Variants in ANKRD22 observed in about 807,000 individuals in gnomAD.
The protein encoded by ANKRD22 is ankyrin repeat domain-containing protein 22.
A neutral mutation model predicts 25.7 loss-of-function variants in ANKRD22; 24 were observed. The ratio of observed to expected loss-of-function variants is 0.93; its 90% confidence interval spans 0.68 to 1.31. The LOEUF (loss-of-function observed/expected upper bound fraction) is 1.31, where lower values mean the gene tolerates loss of function less well. ANKRD22 is among the 50% of genes most tolerant of loss of function. ANKRD22 has a pLI of 0.00. For missense variants in ANKRD22, 214 were observed against 227.1 expected (o/e 0.94, Z 0.37); for synonymous variants, 84 against 84.3 (o/e 1.00, Z 0.02).
Position 88,839,455 on chromosome 10 carries a change from A to G in ANKRD22, c.22-7429T>C, listed in dbSNP as rs530417512. Among the ~76,000 whole-genome samples the G allele has an allele frequency of 3.9e-5, 6 of 152,160 alleles. No homozygotes were observed. The East Asian group carries it at 9.7e-4, about 25-fold the overall frequency. On this transcript the variant is annotated intron_variant, in intron 1 of 5. Transcript: ENST00000371930. ...TGGTCAGGTCAATTTCCTCACTTCT[A>G]TGTTTGGGCTACTGGCTTGCCATCC...
intron 1 of ANKRD22, among the ~76,000 whole-genome samples, chr10:88,841,486 G>C (rs1844003555): frequency 6.6e-6 from 1 of 152,182 alleles, no homozygotes; most frequent in South Asian, 2.1e-4. Flanking sequence ...AACGAACTCA[G>C]AGTTGAGCAA....
rs2133085799 is a variant in ANKRD22 at position 88,851,590 on chromosome 10, A to G, written c.18T>C (p.Ser6=). The part of the protein sequence containing the change: MGILY[S]EPICQAAYQN... ...TGCTTTCAGAAAGGTGATGTACCTC[A>G]GAGTATAGGATTCCCATGCTGGTCC... is the stretch of plus-strand genomic sequence containing the variant. The change falls in exon 1 of 6, where the codon TCT becomes TCC. Residue 6 remains serine, a synonymous_variant. Coordinates refer to ENST00000371930, the MANE Select transcript of ANKRD22 (RefSeq NM_144590.3). The G allele has an allele frequency of 6.2e-7, 1 of 1,613,426 alleles. No individual in the cohort carries two copies. Among genetic ancestry groups the G allele is most frequent in the Non-Finnish European group, 8.5e-7 (1 of 1,179,536 alleles).
At chr10:88,838,812 C>T (rs1477239248) in intron 1 of ANKRD22, among the ~76,000 whole-genome samples, 2 of 152,150 alleles carry the variant, frequency 1.3e-5, no homozygotes, top group Admixed American at 1.3e-4. Flanking sequence ...ACTGAATCAG[C>T]AGCCACCATA....
At chr10:88,826,309 C>A (rs1477869263) in intron 3 of ANKRD22, among the ~76,000 whole-genome samples, 194 bp from the exon 4 acceptor site, 1 of 152,178 alleles carries the variant, frequency 6.6e-6, no homozygotes, top group African/African-American at 2.4e-5. Context: ...AGACTGTGGT[C>A]CTGAAGTAGC....
At chr10:88,824,374 A>G (rs771186423) in intron 4 of ANKRD22, among the ~76,000 whole-genome samples, 1 of 152,224 alleles carries the variant, frequency 6.6e-6, no homozygotes, top group Non-Finnish European at 1.5e-5. Flanking sequence ...TTAGCTCTGG[A>G]TCCCATTCCC....
intron 1 of ANKRD22, among the ~76,000 whole-genome samples, chr10:88,834,353 G>A (rs961071069): frequency 1.3e-5 from 2 of 152,194 alleles, no homozygotes; most frequent in Admixed American, 6.5e-5. Flanking sequence ...TCACCAGGGG[G>A]AAAGCAGTTC....
chr10:88,826,654 T>C, intron 3 of ANKRD22, among the ~76,000 whole-genome samples: 1 of 152,204 alleles, frequency 6.6e-6, no homozygotes, highest in East Asian at 1.9e-4. Flanking sequence ...CCTCCCTCTC[T>C]TCTTTGCCTG....
chr10:88,847,223 G>C (rs1844057026), intron 1 of ANKRD22, among the ~76,000 whole-genome samples: 1 of 151,984 alleles, frequency 6.6e-6, no homozygotes, highest in African/African-American at 2.4e-5. Context: ...ATTTCTTTGA[G>C]TCATATATGG....
chr10:88,827,100 C>T (rs1843862623), intron 3 of ANKRD22, among the ~76,000 whole-genome samples: 2 of 152,196 alleles, frequency 1.3e-5, no homozygotes, highest in African/African-American at 4.8e-5. Context: ...CCCTGCTCAG[C>T]TGGGTATAGC....
chr10:88,827,716 A>G (rs563798051), intron 3 of ANKRD22, among the ~76,000 whole-genome samples: 4 of 152,334 alleles, frequency 2.6e-5, no homozygotes, highest in East Asian at 3.9e-4. Flanking sequence ...TAAATACCCA[A>G]TGAAATAATA....
intron 1 of ANKRD22, among the ~76,000 whole-genome samples, chr10:88,844,612 A>G (rs947658808): frequency 6.6e-6 from 1 of 152,124 alleles, no homozygotes; most frequent in Non-Finnish European, 1.5e-5. Flanking sequence ...TTTTAATTAA[A>G]GTAATTATTG....
chr10:88,832,333 A>G (rs1450388329), intron 1 of ANKRD22, among the ~76,000 whole-genome samples: 1 of 152,178 alleles, frequency 6.6e-6, no homozygotes, highest in East Asian at 1.9e-4. Flanking sequence ...TAGTGCTTAC[A>G]GGTAGGTGGG....
chr10:88,838,438 C>G (rs2133077771), intron 1 of ANKRD22, among the ~76,000 whole-genome samples: 1 of 152,186 alleles, frequency 6.6e-6, no homozygotes, highest in South Asian at 2.1e-4. Context: ...CAAATAGAAA[C>G]ACAGAGAAGG....
Position 88,828,628 on chromosome 10 carries a change from T to G in ANKRD22, c.252A>C (p.Lys84Asn), listed in dbSNP as rs557174052. ...RTCLHYAVKK[K>N]FTFIDYLLII... ...TTAGTAGATAATCAATGAAGGTAAA[T>G]TTTTTCTTCACAGCATAATGCAAGC... The change falls in exon 3 of 6, where the codon AAA (lysine) becomes AAC (asparagine). Residue 84 changes from lysine (K) to asparagine (N), a missense_variant. Lys to Asn is a moderately conservative substitution (Grantham distance 94). Coordinates refer to ENST00000371930, the MANE Select transcript of ANKRD22 (RefSeq NM_144590.3). The G allele has an allele frequency of 6.2e-7, 1 of 1,610,164 alleles. No individual in the cohort carries two copies.
chr10:88,825,930 A>T, intron 4 of ANKRD22, 108 bp downstream of exon 4: 1 of 936,244 alleles, frequency 1.1e-6, no homozygotes. Context: ...AAAGAAAACT[A>T]AATGTAAAAT....
chr10:88,831,853 A>C lies in ANKRD22; in HGVS notation c.195T>G (p.Asn65Lys). The change falls in exon 2 of 6, where the codon AAT becomes AAG. Residue 65 changes from asparagine (N) to lysine (K), a missense_variant. Asn to Lys is a moderately conservative substitution (Grantham distance 94). Coordinates refer to ENST00000371930, the MANE Select transcript of ANKRD22 (RefSeq NM_144590.3). ...ACCTCACCTGGTTTTTGAGGTTGAC[A>C]TTAGCATTTCTTCTTAAAAGGAAGG... ...IVSFLLRRNA[N>K]VNLKNQKERT... The C allele has an allele frequency of 6.2e-7, 1 of 1,610,044 alleles. No individual in the cohort carries two copies.
chr10:88,826,660 G>T lies in ANKRD22; in HGVS notation c.322-545C>A, dbSNP rs59661152. 0.016 allele frequency among the ~76,000 whole-genome samples: 2,417 copies of T among 152,150 alleles called. 105 individuals carry two copies. The East Asian group carries it at 0.17, about 11-fold the overall frequency. Reference sequence around the variant, plus strand: ...TAGAAGCCTCCTCCCTCTCTTCTTTGCCTGGCATATTCACCTTTCATTCAT... The same window carrying T: ...TAGAAGCCTCCTCCCTCTCTTCTTTTCCTGGCATATTCACCTTTCATTCAT... On this transcript the variant is annotated intron_variant, in intron 3 of 5. Coordinates refer to ENST00000371930, the MANE Select transcript of ANKRD22 (RefSeq NM_144590.3).
intron 1 of ANKRD22, among the ~76,000 whole-genome samples, chr10:88,838,432 T>G (rs1390955062): frequency 6.6e-6 from 1 of 152,014 alleles, no homozygotes; most frequent in Non-Finnish European, 1.5e-5. Flanking sequence ...GACAAGCAAA[T>G]AGAAACACAG....
intron 1 of ANKRD22, among the ~76,000 whole-genome samples, chr10:88,841,179 G>A (rs1396275116): frequency 6.6e-6 from 1 of 152,100 alleles, no homozygotes. Flanking sequence ...AGGACCAGGG[G>A]AAAGCAGAAG....
Sources: allele counts gnomAD v4.1 joint callset (sites outside exome capture counted in the v4.1 genomes callset), GRCh38; gene constraint gnomAD v4.1.1; transcripts MANE v1.5; gene names NCBI Gene and HGNC (gene_info 2026-07-23, HGNC 2026-07-21).